Variants in SDK1 observed in about 807,000 individuals in gnomAD.
SDK1 encodes the protein sidekick cell adhesion molecule 1.
SDK1 carries 157 observed loss-of-function variants against 245.5 expected under a neutral mutation model. That is an observed-to-expected ratio of 0.64 (90% CI 0.56 to 0.73). SDK1 has a LOEUF of 0.73. Ranked by LOEUF, SDK1 falls within the 30% of genes least tolerant of loss-of-function variation. The probability of loss-of-function intolerance (pLI) is 0.00; values close to 1 mark genes in which losing one functional copy is unlikely to be tolerated. For synonymous variants in SDK1, 1,647 were observed against 1,278.5 expected, an observed-to-expected ratio of 1.29 and a Z score of -6.15; for missense variants, 3,583 against 3,002.3, an observed-to-expected ratio of 1.19 and a Z score of -4.52.
At chr7:3,729,268 A>C (rs1779104729) in intron 4 of SDK1, among the ~76,000 whole-genome samples, 1 of 152,198 alleles carries the variant, frequency 6.6e-6, no homozygotes, top group South Asian at 2.1e-4. Flanking sequence ...CAGGTTTGGG[A>C]CTATGAAGGT....
intron 1 of SDK1, among the ~76,000 whole-genome samples, chr7:3,328,116 C>T (rs1214739408): frequency 1.3e-5 from 2 of 151,978 alleles, no homozygotes; most frequent in Non-Finnish European, 2.9e-5. Flanking sequence ...TAACTTTCTG[C>T]CCGAAGATAA....
intron 17 of SDK1, among the ~76,000 whole-genome samples, chr7:4,024,891 C>T (rs1337507498): frequency 7.6e-6 from 1 of 132,314 alleles, no homozygotes; most frequent in African/African-American, 3.4e-5. Flanking sequence ...CAGATTCCCA[C>T]AGCCGCATTA....
intron 1 of SDK1, among the ~76,000 whole-genome samples, chr7:3,494,195 G>T (rs1781951504): frequency 6.6e-6 from 1 of 152,042 alleles, no homozygotes; most frequent in Non-Finnish European, 1.5e-5. Context: ...ATTTCATTAG[G>T]AAAACTTTTA....
intron 4 of SDK1, among the ~76,000 whole-genome samples, chr7:3,675,100 T>C (rs11764509): frequency 0.31 from 46,748 of 152,120 alleles, 7,642 homozygotes; most frequent in East Asian, 0.39. Context: ...CGTGTGAATC[T>C]AACAGATATC....
At chr7:3,310,412 G>T (rs1363142735) in intron 1 of SDK1, among the ~76,000 whole-genome samples, 2 of 152,224 alleles carry the variant, frequency 1.3e-5, no homozygotes, top group Non-Finnish European at 1.5e-5. Flanking sequence ...GAAAGTAGCA[G>T]CTTGGGCTAG....
chr7:3,923,972 A>C (rs541590630), intron 5 of SDK1, among the ~76,000 whole-genome samples: 1 of 152,158 alleles, frequency 6.6e-6, no homozygotes, highest in African/African-American at 2.4e-5. Flanking sequence ...GGTGGTCGTG[A>C]TTTTGATTCT....
At chr7:4,202,297 C>G (rs749761764) in intron 35 of SDK1, among the ~76,000 whole-genome samples, 5 of 152,332 alleles carry the variant, frequency 3.3e-5, no homozygotes, top group Non-Finnish European at 7.3e-5. Flanking sequence ...GCTGGGATAA[C>G]AAACAACCTC....
chr7:3,962,316 A>C (rs1781765508), intron 8 of SDK1, among the ~76,000 whole-genome samples: 1 of 152,204 alleles, frequency 6.6e-6, no homozygotes, highest in Non-Finnish European at 1.5e-5. Context: ...AGGGCACTGC[A>C]GAGCAGAGAG....
chr7:4,265,428 C>G lies in SDK1; in HGVS notation c.*44C>G. 7.1e-7 allele frequency: 1 copy of G among 1,402,270 alleles called. No individual in the cohort carries two copies. The highest frequency in any genetic ancestry group is 9.2e-7 in the Non-Finnish European group (1 of 1,086,520). 86.9% of individuals were successfully genotyped at this position (1,402,270 alleles called of 1,614,324 possible). A position where few individuals can be genotyped will look rare whatever the true frequency, so the allele number is the denominator to read the frequency against. On this transcript the variant is annotated 3_prime_UTR_variant, in exon 45 of 45. Transcript: ENST00000404826. ...CTCAGGGCGGAACGGAGGCAACTTTCCGGAGTCTATTTTTGTTAAGACAAT... is the reference window on the plus strand; with the variant it reads ...CTCAGGGCGGAACGGAGGCAACTTTGCGGAGTCTATTTTTGTTAAGACAAT...
Position 4,145,811 on chromosome 7 carries a change from A to G in SDK1, c.4318A>G (p.Thr1440Ala). The G allele has an allele frequency of 6.2e-7, 1 of 1,613,854 alleles. No individual in the cohort carries two copies. Among genetic ancestry groups the G allele is most frequent in the Non-Finnish European group, 8.5e-7 (1 of 1,179,950 alleles). The stretch of plus-strand genomic sequence containing the variant: ...CGCCACAGTGAGGCAGTTCACAGCC[A>G]CCGACCTGGCCCCGGAGTCCGCATA... ...VGATVRQFTATDLAPESAYIF... is the reference protein window; with the variant it reads ...VGATVRQFTAADLAPESAYIF... Residue 1440 changes from threonine to alanine, a missense_variant, in exon 29 of 45, where the codon ACC (threonine) becomes GCC (alanine). Thr to Ala is a moderately conservative substitution (Grantham distance 58, BLOSUM62 0). Transcript: ENST00000404826.
intron 38 of SDK1, among the ~76,000 whole-genome samples, chr7:4,219,080 T>C (rs1218622205): frequency 2.0e-5 from 3 of 152,194 alleles, no homozygotes; most frequent in Non-Finnish European, 2.9e-5. Context: ...TAACATCCCA[T>C]AGGTTTGAGG....
intron 5 of SDK1, among the ~76,000 whole-genome samples, chr7:3,948,417 C>G (rs1050377022): frequency 6.6e-6 from 1 of 152,054 alleles, no homozygotes; most frequent in Admixed American, 6.5e-5. Context: ...GCCACCACAC[C>G]CAGCTAATTT....
At chr7:3,683,976 G>T (rs901871931) in intron 4 of SDK1, among the ~76,000 whole-genome samples, 1 of 152,158 alleles carries the variant, frequency 6.6e-6, no homozygotes, top group African/African-American at 2.4e-5. Flanking sequence ...TTCATCACCT[G>T]GCCCTCCAGC....
chr7:3,888,464 C>T lies in SDK1; in HGVS notation c.848-62459C>T, dbSNP rs558749394. 2.6e-5 allele frequency among the ~76,000 whole-genome samples: 4 copies of T among 152,278 alleles called. 1 individual carries two copies. The highest frequency in any genetic ancestry group is 9.6e-5 in the African/African-American group (4 of 41,550). On this transcript the variant is annotated intron_variant, in intron 5 of 44. Transcript: ENST00000404826. ...GATGTACAGAGTGGATTCACAGAGG[C>T]CCTTGAGGACCAAAAGAGAAAATAT...
At chr7:3,912,657 C>T (rs976528792) in intron 5 of SDK1, among the ~76,000 whole-genome samples, 2 of 151,828 alleles carry the variant, frequency 1.3e-5, no homozygotes, top group African/African-American at 4.9e-5. Context: ...GGCTCTCCTG[C>T]CCCCTGGGCC....
chr7:4,211,704 G>C (rs1784522109), intron 38 of SDK1, among the ~76,000 whole-genome samples: 1 of 152,130 alleles, frequency 6.6e-6, no homozygotes, highest in African/African-American at 2.4e-5. Context: ...CCGCCTCCCG[G>C]GTTCGCACCA....
intron 1 of SDK1, among the ~76,000 whole-genome samples, chr7:3,384,608 T>A (rs906426350): frequency 3.9e-5 from 6 of 152,342 alleles, no homozygotes; most frequent in African/African-American, 1.2e-4. Flanking sequence ...TCGAAGGACT[T>A]CGCTGATTTG....
intron 1 of SDK1, among the ~76,000 whole-genome samples, chr7:3,426,325 G>T (rs767006061): frequency 6.6e-6 from 1 of 152,176 alleles, no homozygotes; most frequent in Non-Finnish European, 1.5e-5. Flanking sequence ...GGTGCTAAGT[G>T]CAGGAAGGCC....
intron 42 of SDK1, among the ~76,000 whole-genome samples, chr7:4,238,768 G>C (rs1012416597): frequency 1.3e-5 from 2 of 151,170 alleles, no homozygotes; most frequent in African/African-American, 4.9e-5. Context: ...GGCTGGTCTC[G>C]AACACCTCAC....
Sources: gnomAD v4.1 joint callset for allele counts (sites outside exome capture counted in the v4.1 genomes callset) on GRCh38, gnomAD v4.1.1 for gene constraint, MANE v1.5 for transcripts, NCBI Gene and HGNC (gene_info 2026-07-23, HGNC 2026-07-21) for gene names.